Variants in FBXO15 observed in about 807,000 individuals in gnomAD.
FBXO15 encodes the protein F-box protein 15.
In FBXO15, 30 loss-of-function variants were observed where a neutral mutation model predicts 49.5. The ratio of observed to expected loss-of-function variants is 0.61; its 90% confidence interval spans 0.45 to 0.82. The LOEUF is 0.82. FBXO15 is among the 40% of genes least tolerant of loss of function. FBXO15 has a pLI of 0.00. For synonymous variants in FBXO15, 250 were observed against 232.7 expected, an observed-to-expected ratio of 1.07 and a Z score of -0.68; for missense variants, 591 against 631.5, an observed-to-expected ratio of 0.94 and a Z score of 0.69.
At chr18:74,113,082 T>C (rs1914099203) in intron 8 of FBXO15, among the ~76,000 whole-genome samples, 1 of 152,184 alleles carries the variant, frequency 6.6e-6, no homozygotes, top group Non-Finnish European at 1.5e-5. Flanking sequence ...GAATAAACTG[T>C]GGTACATCCA....
intron 4 of FBXO15, 109 bp from the exon 5 acceptor site, chr18:74,129,723 G>T (rs1978315921): frequency 1.0e-5 from 9 of 880,474 alleles, no homozygotes; most frequent in African/African-American, 3.4e-5. Flanking sequence ...AAAAGCCAAA[G>T]TCAAAATTCT....
Position 74,120,932 on chromosome 18 carries a change from C to G in FBXO15, c.1138+2436G>C, listed in dbSNP as rs528746496. On this transcript the variant is annotated intron_variant, in intron 8 of 9. Transcript: ENST00000419743. ...TTGATAAACTTCCAGCCACACTGAT[C>G]AGGAAAAAAAAGAAATACAGAAATA... 1.6e-3 allele frequency among the ~76,000 whole-genome samples: 239 copies of G among 151,706 alleles called. 1 individual carries two copies. The highest frequency in any genetic ancestry group is 2.8e-3 in the Non-Finnish European group (190 of 67,942).
chr18:74,121,379 T>C (rs1019993936), intron 8 of FBXO15, among the ~76,000 whole-genome samples: 30 of 152,148 alleles, frequency 2.0e-4, no homozygotes, highest in African/African-American at 7.2e-4. Context: ...AATTAAATAC[T>C]TCATAAATAT....
intron 9 of FBXO15, chr18:74,076,310 G>A (rs1912255855): frequency 2.0e-5 from 3 of 152,306 alleles, no homozygotes; most frequent in Non-Finnish European, 4.4e-5. Flanking sequence ...GATCACCAAT[G>A]TGACTGTTTA....
intron 8 of FBXO15, among the ~76,000 whole-genome samples, chr18:74,102,654 T>C (rs538075033): frequency 1.3e-5 from 2 of 152,336 alleles, no homozygotes; most frequent in Admixed American, 6.5e-5. Context: ...TACTTGCTCA[T>C]GCATTTTTAT....
chr18:74,112,562 T>C (rs1914073809), intron 8 of FBXO15, among the ~76,000 whole-genome samples: 1 of 152,222 alleles, frequency 6.6e-6, no homozygotes, highest in Non-Finnish European at 1.5e-5. Context: ...TTGTGCTTTA[T>C]GGTGAGAAAC....
chr18:74,073,722 G>A lies in FBXO15; in HGVS notation c.1272C>T (p.Ser424=), dbSNP rs1212138006. ...CATCCAAAAGAGTTACGTCCATCAT[G>A]GAACAACTCTGCAAAATAAACACAG... ...DIFDGCIKSC[S]MMDVTLLDEH... is the part of the protein sequence containing the mutation. The change falls in exon 10 of 10, where the codon TCC becomes TCT. Residue 424 remains serine (S), a synonymous_variant. Coordinates refer to ENST00000419743, the MANE Select transcript of FBXO15 (RefSeq NM_001142958.2). 3 of 1,610,074 alleles carry A rather than the reference G, an allele frequency of 1.9e-6. No homozygotes were observed. Among genetic ancestry groups the A allele is most frequent in the Non-Finnish European group, 1.7e-6 (2 of 1,178,142 alleles).
intron 8 of FBXO15, among the ~76,000 whole-genome samples, chr18:74,088,547 G>T (rs1314522824): frequency 1.3e-5 from 2 of 152,148 alleles, no homozygotes; most frequent in Non-Finnish European, 2.9e-5. Flanking sequence ...ACTGTATTCT[G>T]TTCCATTGGT....
At chr18:74,118,006 T>A (rs935546038) in intron 8 of FBXO15, among the ~76,000 whole-genome samples, 5 of 145,488 alleles carry the variant, frequency 3.4e-5, no homozygotes, top group African/African-American at 1.3e-4. Context: ...TACATACATA[T>A]TTCTTTTTTT....
intron 1 of FBXO15, among the ~76,000 whole-genome samples, chr18:74,141,139 A>G (rs2145226570): frequency 6.6e-6 from 1 of 152,364 alleles, no homozygotes; most frequent in East Asian, 1.9e-4. Context: ...GAAATAGCAT[A>G]TAATATTTTT....
At chr18:74,108,223 T>C (rs1490839091) in intron 8 of FBXO15, among the ~76,000 whole-genome samples, 2 of 152,030 alleles carry the variant, frequency 1.3e-5, no homozygotes, top group Non-Finnish European at 2.9e-5. Flanking sequence ...GACAGGGATG[T>C]TGGAATTATC....
chr18:74,111,669 AAAAG>A (rs1911801099), intron 8 of FBXO15, among the ~76,000 whole-genome samples: 3 of 152,152 alleles, frequency 2.0e-5, no homozygotes, highest in Non-Finnish European at 2.9e-5. Flanking sequence ...AAGAAGAAAA[AAAAG>A]AAATAATAAA....
intron 8 of FBXO15, among the ~76,000 whole-genome samples, chr18:74,094,787 T>C (rs912791713): frequency 6.6e-6 from 1 of 152,246 alleles, no homozygotes; most frequent in African/African-American, 2.4e-5. Context: ...AAAGTCAACC[T>C]GTCCTTTGAA....
rs567883504 is a variant in FBXO15, at chr18:74,090,963, C to A, written c.1139-8912G>T. ...CCTGAATATCTTTGTTAGTTTTCTG[C>A]CTTGATGATCAAATACTGTTAGTGG... is the stretch of plus-strand genomic sequence containing the variant. On this transcript the variant is annotated intron_variant, in intron 8 of 9. Coordinates refer to ENST00000419743, the MANE Select transcript of FBXO15 (RefSeq NM_001142958.2). Among the ~76,000 whole-genome samples the A allele has an allele frequency of 6.6e-5, 10 of 152,174 alleles. No individual in the cohort carries two copies. In the East Asian group the frequency reaches 1.7e-3, roughly 27 times the overall value.
intron 9 of FBXO15, among the ~76,000 whole-genome samples, chr18:74,081,462 C>G (rs1304752020): frequency 6.6e-6 from 1 of 152,184 alleles, no homozygotes; most frequent in Non-Finnish European, 1.5e-5. Flanking sequence ...ACCCATGTGG[C>G]TAATCTTTAT....
chr18:74,140,356 G>A lies in FBXO15; in HGVS notation c.117-44C>T, dbSNP rs1978993008. ...AATTCAAATTATGTAATTACCAAAT[G>A]AGGTGAATTATCTATTCCCTTCTAC... is the stretch of plus-strand genomic sequence containing the variant. On this transcript the variant is annotated intron_variant, in intron 1 of 9. Coordinates refer to ENST00000419743, the MANE Select transcript of FBXO15 (RefSeq NM_001142958.2). 3 of 1,502,932 alleles carry A rather than the reference G, an allele frequency of 2.0e-6. No homozygotes were observed. In the East Asian group the frequency reaches 7.4e-5, roughly 37 times the overall value. 93.1% of individuals were successfully genotyped at this position (1,502,932 alleles called of 1,614,324 possible). A position where few individuals can be genotyped will look rare whatever the true frequency, so the allele number is the denominator to read the frequency against.
At chr18:74,140,406 C>T in intron 1 of FBXO15, 94 bp from the exon 2 acceptor site, 2 of 1,074,352 alleles carry the variant, frequency 1.9e-6, no homozygotes, top group Non-Finnish European at 2.5e-6. Context: ...TTCATAAACT[C>T]CAAAGATTAC....
chr18:74,117,131 T>C (rs1462471641), intron 8 of FBXO15, among the ~76,000 whole-genome samples: 1 of 152,072 alleles, frequency 6.6e-6, no homozygotes, highest in Non-Finnish European at 1.5e-5. Context: ...TGTATAATAC[T>C]TTTAAAAATG....
chr18:74,132,821 G>T (rs766730065), intron 3 of FBXO15, among the ~76,000 whole-genome samples: 1 of 152,150 alleles, frequency 6.6e-6, no homozygotes, highest in Non-Finnish European at 1.5e-5. Flanking sequence ...AGAGTACATG[G>T]CAAATAAAAC....
Sources: allele counts gnomAD v4.1 joint callset (sites outside exome capture counted in the v4.1 genomes callset), GRCh38; gene constraint gnomAD v4.1.1; transcripts MANE v1.5; gene names NCBI Gene and HGNC (gene_info 2026-07-23, HGNC 2026-07-21).